GJA5: variants seen among roughly 807,000 people sequenced by gnomAD.
The protein encoded by GJA5 is gap junction alpha-5 protein.
In GJA5, 3 loss-of-function variants were observed where a neutral mutation model predicts 7.9. The ratio of observed to expected loss-of-function variants is 0.38; its 90% confidence interval spans 0.17 to 0.99. The LOEUF (loss-of-function observed/expected upper bound fraction) is 0.99, where lower values mean the gene tolerates loss of function less well. Ranked by LOEUF, GJA5 falls within the 50% of genes least tolerant of loss-of-function variation. The pLI is 0.38. For synonymous variants in GJA5, 193 were observed against 181.0 expected (o/e 1.07, Z -0.53); for missense variants, 390 against 457.9 (o/e 0.85, Z 1.35).
At chr1:147,771,354 T>G (rs976912525) in intron 1 of GJA5, among the ~76,000 whole-genome samples, 3 of 152,000 alleles carry the variant, frequency 2.0e-5, no homozygotes, top group Non-Finnish European at 4.4e-5. Flanking sequence ...GGATGGACAT[T>G]AGAAGAGCCC....
Position 147,766,621 on chromosome 1 carries a change from T to A in GJA5, c.-34+6631A>T, listed in dbSNP as rs115819175. On this transcript the variant is annotated intron_variant, in intron 1 of 1. Transcript: ENST00000430508. ...AAGCAGAAATTCCATCACTGTGGAC[T>A]ACTCTCTCACTGCCTCCTCCCCTCA... Among the ~76,000 whole-genome samples the A allele has an allele frequency of 8.3e-3, 1,260 of 152,298 alleles. 4 individuals are homozygous for A. Among genetic ancestry groups the A allele is most frequent in the Non-Finnish European group, 0.014 (950 of 68,018 alleles).
chr1:147,759,801 G>T (rs782286434), intron 1 of GJA5, among the ~76,000 whole-genome samples: 13 of 152,214 alleles, frequency 8.5e-5, no homozygotes, highest in Non-Finnish European at 1.8e-4. Context: ...AGGATTAAAT[G>T]ATATGAGGTG....
intron 1 of GJA5, among the ~76,000 whole-genome samples, chr1:147,766,482 A>C (rs979067466): frequency 1.3e-5 from 2 of 152,176 alleles, no homozygotes; most frequent in Admixed American, 1.3e-4. Context: ...GGAAGCTGGC[A>C]TAGGGACACC....
rs587632843 is a variant in GJA5 at position 147,756,345 on chromosome 1, G to T, written c.*1817C>A. 2.6e-5 allele frequency: 4 copies of T among 152,332 alleles called. No homozygotes were observed. The South Asian group carries it at 8.3e-4, about 32-fold the overall frequency. 9.4% of individuals were successfully genotyped at this position (152,332 alleles called of 1,614,324 possible). A position where few individuals can be genotyped will look rare whatever the true frequency, so the allele number is the denominator to read the frequency against. ...AAAACATTTCAGAGATAGAAGGAGAGAAAATATTAATGCTAGGCAATAGAT... is the reference window on the plus strand; with the variant it reads ...AAAACATTTCAGAGATAGAAGGAGATAAAATATTAATGCTAGGCAATAGAT... On this transcript the variant is annotated 3_prime_UTR_variant, in exon 2 of 2. Coordinates refer to ENST00000579774, the MANE Select transcript of GJA5 (RefSeq NM_181703.4).
intron 1 of GJA5, among the ~76,000 whole-genome samples, chr1:147,767,843 A>G (rs1664264905): frequency 6.6e-6 from 1 of 152,206 alleles, no homozygotes; most frequent in Admixed American, 6.5e-5. Context: ...CCTTCTTTGG[A>G]AAATCCTAAC....
rs1663960477 is a variant in GJA5, at chr1:147,760,490, G to C, written c.-34+9C>G. The C allele has an allele frequency of 1.3e-5, 2 of 152,334 alleles. 1 individual carries two copies. Among genetic ancestry groups the C allele is most frequent in the South Asian group, 4.1e-4 (2 of 4,826 alleles). The allele number at this position is 152,334 out of a possible 1,614,324, so 9.4% of individuals were successfully genotyped here. A position where few individuals can be genotyped will look rare whatever the true frequency, so the allele number is the denominator to read the frequency against. ...CTTCAGCTCCTGTGATGGCCCCCGG[G>C]ACACTTACTCGTCTCCCAGTGCTTG... On this transcript the variant is annotated intron_variant, in intron 1 of 1. Transcript: ENST00000579774.
In GJA5 at chr1:147,756,890, G is replaced by T. The variant is rs907248350; in HGVS notation, c.*1272C>A. 3 of 152,174 alleles carry T rather than the reference G, an allele frequency of 2.0e-5. No individual in the cohort carries two copies. Among genetic ancestry groups the T allele is most frequent in the Non-Finnish European group, 4.4e-5 (3 of 68,052 alleles). 9.4% of individuals were successfully genotyped at this position (152,174 alleles called of 1,614,324 possible). ...CAGCCCCCACTTGGCAGTCTCATTA[G>T]GGGCACTAGGGAGACATAGGAATCT... On this transcript the variant is annotated 3_prime_UTR_variant, in exon 2 of 2. Transcript: ENST00000579774.
intron 1 of GJA5, among the ~76,000 whole-genome samples, chr1:147,770,730 A>G (rs1315027825): frequency 6.6e-6 from 1 of 152,126 alleles, no homozygotes; most frequent in South Asian, 2.1e-4. Context: ...GATTTTTTCA[A>G]TACCTCTCAT....
At position 147,758,746 on chromosome 1, in the gene GJA5, C is replaced by T; in HGVS notation, c.493G>A (p.Val165Met). The T allele has an allele frequency of 6.2e-7, 1 of 1,614,162 alleles. No individual in the cohort carries two copies. The highest frequency in any genetic ancestry group is 8.5e-7 in the Non-Finnish European group (1 of 1,180,002). ...AAGTACTGGCCCACAATGAAGCCCA[C>T]CTCCATGGTGGTGCGGATCAGGATG... The part of the protein sequence containing the change: ...CSILIRTTME[V>M]GFIVGQYFIY... Residue 165 changes from valine (V) to methionine (M), a missense_variant, in exon 2 of 2, where the codon GTG becomes ATG. By Grantham distance (21) the Val-to-Met change is conservative. Coordinates refer to ENST00000579774, the MANE Select transcript of GJA5 (RefSeq NM_181703.4).
upstream of GJA5, among the ~76,000 whole-genome samples, chr1:147,765,420 C>T (rs587726542): frequency 6.6e-6 from 1 of 152,282 alleles, no homozygotes; most frequent in Admixed American, 6.5e-5. Context: ...TTCCATCTCC[C>T]CTCCAAGAGT....
In GJA5 at chr1:147,758,696, G is replaced by C. The variant is rs1553226953; in HGVS notation, c.543C>G (p.Thr181=). The change falls in exon 2 of 2, where the codon ACC becomes ACG. Residue 181 remains threonine (T), a synonymous_variant. Transcript: ENST00000579774. ...AGGGACTCCTGCGGCAGACATGCAG[G>C]GTGGTCAGGAAGATTCCGTAGATGA... ...QYFIYGIFLT[T]LHVCRRSPCP... is the part of the protein sequence containing the mutation. 3 of 1,614,208 alleles carry C rather than the reference G, an allele frequency of 1.9e-6. No individual in the cohort carries two copies. Among genetic ancestry groups the C allele is most frequent in the Non-Finnish European group, 2.5e-6 (3 of 1,180,038 alleles).
At position 147,758,908 on chromosome 1, in the gene GJA5, C is replaced by T; in HGVS notation, c.331G>A (p.Ala111Thr). 6.2e-7 allele frequency: 1 copy of T among 1,614,266 alleles called. No homozygotes were observed. Among genetic ancestry groups the T allele is most frequent in the African/African-American group, 1.3e-5 (1 of 75,084 alleles). Residue 111 changes from alanine to threonine, a missense_variant, in exon 2 of 2, where the codon GCC becomes ACC. Coordinates refer to ENST00000579774, the MANE Select transcript of GJA5 (RefSeq NM_181703.4). ...RMQEKRKLREAERAKEVRGSG... is the reference protein window; with the variant it reads ...RMQEKRKLRETERAKEVRGSG... Reference sequence around the variant, plus strand: ...CCCCGGACCTCTTTGGCCCTCTCGGCCTCCCGTAGCTTGCGCTTCTCCTGC... The same window carrying T: ...CCCCGGACCTCTTTGGCCCTCTCGGTCTCCCGTAGCTTGCGCTTCTCCTGC...
At chr1:147,770,047 G>A (rs1013607370) in intron 1 of GJA5, among the ~76,000 whole-genome samples, 1 of 151,936 alleles carries the variant, frequency 6.6e-6, no homozygotes, top group African/African-American at 2.4e-5. Flanking sequence ...AGAAAGAGGG[G>A]GTTGTCTACT....
intron 1 of GJA5, among the ~76,000 whole-genome samples, chr1:147,767,761 C>T (rs1664261227): frequency 6.6e-6 from 1 of 152,078 alleles, no homozygotes; most frequent in Admixed American, 6.6e-5. Flanking sequence ...CTAGTAAGAG[C>T]TCCCAGCTCA....
At chr1:147,770,938 C>T (rs1366387085) in intron 1 of GJA5, among the ~76,000 whole-genome samples, 1 of 152,282 alleles carries the variant, frequency 6.6e-6, no homozygotes, top group Non-Finnish European at 1.5e-5. Flanking sequence ...GTCATCTCTC[C>T]CCTTTGTCCA....
intron 1 of GJA5, among the ~76,000 whole-genome samples, chr1:147,771,340 C>T (rs759179834): frequency 1.1e-4 from 16 of 151,992 alleles, no homozygotes; most frequent in Non-Finnish European, 2.1e-4. Flanking sequence ...AAAATCCAGC[C>T]GGGGGATGGA....
chr1:147,772,789 GAAAA>G, intron 1 of GJA5, among the ~76,000 whole-genome samples: 1 of 125,926 alleles, frequency 7.9e-6, no homozygotes, highest in East Asian at 2.3e-4. Context: ...GCCTTAGGGA[GAAAA>G]AAAAAAAAAA....
At chr1:147,768,600 G>C (rs1198585403) in intron 1 of GJA5, among the ~76,000 whole-genome samples, 2 of 152,178 alleles carry the variant, frequency 1.3e-5, no homozygotes, top group African/African-American at 2.4e-5. Context: ...GAGCTGAACG[G>C]AATGTAGAGA....
At chr1:147,770,429 G>T (rs1664353927) in intron 1 of GJA5, among the ~76,000 whole-genome samples, 1 of 151,626 alleles carries the variant, frequency 6.6e-6, no homozygotes, top group Admixed American at 6.6e-5. Flanking sequence ...AGCAGAAGGA[G>T]TCCTAGAAAA....
Sources: gnomAD v4.1 joint callset for allele counts (sites outside exome capture counted in the v4.1 genomes callset) on GRCh38, gnomAD v4.1.1 for gene constraint, MANE v1.5 for transcripts, NCBI Gene and HGNC (gene_info 2026-07-23, HGNC 2026-07-21) for gene names.